The following POU2AF3 variants were observed in gnomAD, a reference collection of about 807,000 sequenced individuals.
POU2AF3 encodes cancer susceptibility candidate 13.
chr11:111,298,826 G>GGGGGGGGGGGGGCC, the POU2AF3 span: 11 of 790,958 alleles, frequency 1.4e-5, no homozygotes, highest in African/African-American at 1.8e-5. Context: ...CGTACCCCAG[G>GGGGGGGGGGGGGCC]CCCCCGCCCG....
the POU2AF3 span, chr11:111,308,346 C>G: frequency 9.7e-6 from 15 of 1,551,716 alleles, no homozygotes; most frequent in Non-Finnish European, 1.3e-5. Flanking sequence ...TACTTCTACC[C>G]GAGCACAGAC....
the POU2AF3 span, chr11:111,299,020 A>G: frequency 3.4e-3 from 3,335 of 993,206 alleles, 4 homozygotes; most frequent in Non-Finnish European, 3.8e-3. Flanking sequence ...CTGCCCGCGG[A>G]GTCCGGAGCC....
chr11:111,304,784 A>G, the POU2AF3 span: 1 of 439,716 alleles, frequency 2.3e-6, no homozygotes, highest in East Asian at 3.6e-5. Context: ...CATTGAAAAA[A>G]AAAAAGAAAG....
chr11:111,300,261 C>T, the POU2AF3 span: 3 of 317,918 alleles, frequency 9.4e-6, no homozygotes, highest in East Asian at 1.5e-4. Flanking sequence ...TGCTATTGGC[C>T]TAGGACTGAG....
At chr11:111,298,827 C>CGGGGGGCGG in the POU2AF3 span, 3 of 631,564 alleles carry the variant, frequency 4.8e-6, no homozygotes, top group Non-Finnish European at 6.7e-6. Flanking sequence ...GTACCCCAGG[C>CGGGGGGCGG]CCCCGCCCGC....
chr11:111,298,797 T>A, the POU2AF3 span: 1 of 1,200,862 alleles, frequency 8.3e-7, no homozygotes, highest in Non-Finnish European at 1.0e-6. Context: ...GAGGCCGAGT[T>A]GGCCGCTCCG....
At chr11:111,306,604 T>C in the POU2AF3 span, 7 of 1,551,586 alleles carry the variant, frequency 4.5e-6, no homozygotes, top group Non-Finnish European at 6.1e-6. Flanking sequence ...GCCACCCCTT[T>C]CTGCTTTAAC....
chr11:111,303,389 T>C, the POU2AF3 span, among the ~76,000 whole-genome samples: 4 of 152,240 alleles, frequency 2.6e-5, no homozygotes, highest in Admixed American at 1.3e-4. Flanking sequence ...AATTGTAGAC[T>C]GTGAATTTTT....
the POU2AF3 span, chr11:111,299,724 G>A: frequency 1.4e-5 from 17 of 1,232,018 alleles, no homozygotes; most frequent in African/African-American, 1.7e-4. Context: ...AAAGGGAGGG[G>A]GTAGGGAGAG....
chr11:111,308,649 T>G, the POU2AF3 span: 8 of 402,614 alleles, frequency 2.0e-5, no homozygotes, highest in Admixed American at 1.7e-4. Flanking sequence ...GTTTAAATTT[T>G]TGTAGGAAAC....
At chr11:111,300,076 C>CTACG in the POU2AF3 span, 53 of 392,452 alleles carry the variant, frequency 1.4e-4, no homozygotes, top group Middle Eastern at 2.5e-3. Flanking sequence ...GTGGGGTGGG[C>CTACG]TACGTCAGCC....
chr11:111,300,489 C>A, the POU2AF3 span: 5 of 1,098,306 alleles, frequency 4.6e-6, no homozygotes, highest in Non-Finnish European at 5.8e-6. Flanking sequence ...GGCACCCAGA[C>A]CTTGGACTCG....
the POU2AF3 span, chr11:111,299,009 G>C: frequency 1.0e-6 from 1 of 995,306 alleles, no homozygotes; most frequent in Non-Finnish European, 1.2e-6. Context: ...AGGGGCGCCC[G>C]CTGCCCGCGG....
chr11:111,300,729 G>A, the POU2AF3 span: 2 of 468,650 alleles, frequency 4.3e-6, no homozygotes, highest in Non-Finnish European at 6.7e-6. Flanking sequence ...ACCATTCCCA[G>A]ACCTGGCCTT....
the POU2AF3 span, chr11:111,308,206 C>T: frequency 6.4e-7 from 1 of 1,551,820 alleles, no homozygotes; most frequent in Non-Finnish European, 8.7e-7. Flanking sequence ...GTGGCTACCC[C>T]CCAGAAGACC....
the POU2AF3 span, among the ~76,000 whole-genome samples, chr11:111,303,571 TAAGGA>T: frequency 6.6e-6 from 1 of 152,160 alleles, no homozygotes; most frequent in Non-Finnish European, 1.5e-5. Flanking sequence ...GGAATGGAGT[TAAGGA>T]AAGCTCTACA....
the POU2AF3 span, chr11:111,299,810 A>G: frequency 3.8e-5 from 39 of 1,014,446 alleles, no homozygotes; most frequent in South Asian, 6.9e-4. Context: ...AGGCGGAGAA[A>G]AGGGACGAGG....
chr11:111,307,969 C>A, the POU2AF3 span: 1 of 1,150,612 alleles, frequency 8.7e-7, no homozygotes, highest in Non-Finnish European at 1.2e-6. Flanking sequence ...GGTTTTTTAC[C>A]CCTCATTTTC....
At chr11:111,308,386 C>T in the POU2AF3 span, 8 of 1,551,662 alleles carry the variant, frequency 5.2e-6, no homozygotes, top group Non-Finnish European at 6.1e-6. Context: ...CAGCAGCCGC[C>T]ACCAGTGATT....
Sources: allele counts gnomAD v4.1 joint callset (sites outside exome capture counted in the v4.1 genomes callset), GRCh38; gene constraint gnomAD v4.1.1; transcripts MANE v1.5; gene names NCBI Gene and HGNC (gene_info 2026-07-23, HGNC 2026-07-21).